The following PTPRF variants were observed in gnomAD, a reference collection of about 807,000 sequenced individuals.
PTPRF encodes the protein protein tyrosine phosphatase receptor type F.
PTPRF carries 59 observed loss-of-function variants against 201.8 expected under a neutral mutation model. That is an observed-to-expected ratio of 0.29 (90% CI 0.24 to 0.36). The LOEUF (loss-of-function observed/expected upper bound fraction) is 0.36. PTPRF is among the 10% of genes least tolerant of loss of function. The pLI is 1.00. For missense variants in PTPRF, 2,132 were observed against 2,690.5 expected (o/e 0.79, Z 4.59); for synonymous variants, 1,088 against 1,089.7 (o/e 1.00, Z 0.03).
intron 5 of PTPRF, among the ~76,000 whole-genome samples, chr1:43,566,527 T>C (rs891140113): frequency 1.4e-4 from 22 of 152,042 alleles, no homozygotes; most frequent in Non-Finnish European, 2.8e-4. Flanking sequence ...CTTCCGCGGG[T>C]GCCCGTGGGG....
chr1:43,621,967 G>C lies in PTPRF; in HGVS notation c.5688G>C (p.Leu1896=). 1 of 1,614,146 alleles carries C rather than the reference G, an allele frequency of 6.2e-7. No individual in the cohort carries two copies. The highest frequency in any genetic ancestry group is 1.7e-5 in the Admixed American group (1 of 60,020). The part of the protein sequence containing the change: ...DQYQLCYRAA[L]EYLGSFDHYA... ...ATCAGCTGTGCTACCGTGCGGCCCTGGAGTACCTCGGCAGCTTTGACCACT... is the reference window on the plus strand; with the variant it reads ...ATCAGCTGTGCTACCGTGCGGCCCTCGAGTACCTCGGCAGCTTTGACCACT... Residue 1896 remains leucine, a synonymous_variant, in exon 34 of 34, where the codon CTG becomes CTC. Transcript: ENST00000359947.
upstream of PTPRF, among the ~76,000 whole-genome samples, chr1:43,526,457 A>C (rs1643115243): frequency 6.6e-6 from 1 of 152,096 alleles, no homozygotes; most frequent in Non-Finnish European, 1.5e-5. Context: ...TTTTTAATTA[A>C]AAAAGCATTA....
intron 5 of PTPRF, among the ~76,000 whole-genome samples, chr1:43,560,693 A>G (rs1192856758): frequency 6.6e-6 from 1 of 152,152 alleles, no homozygotes. Flanking sequence ...ATGTGGCCAG[A>G]ATGGTCTGGC....
rs539262238 is a variant in PTPRF, at chr1:43,574,985, G to A, written c.569-3825G>A. ...TTGTCAAGTTCCATGAAACGGATTG[G>A]TGTTGATTTTTCTGCACACTTCCCA... On this transcript the variant is annotated intron_variant, in intron 6 of 33. Coordinates refer to ENST00000359947, the MANE Select transcript of PTPRF (RefSeq NM_002840.5). Among the ~76,000 whole-genome samples the A allele has an allele frequency of 2.0e-5, 3 of 152,328 alleles. No individual in the cohort carries two copies. The South Asian group carries it at 6.2e-4, about 32-fold the overall frequency.
chr1:43,588,900 C>T lies in PTPRF; in HGVS notation c.849C>T (p.Asn283=), dbSNP rs775794645. The change falls in exon 8 of 34, where the codon AAC becomes AAT. Residue 283 remains asparagine (N), a synonymous_variant. Transcript: ENST00000359947. The surrounding 1 kb of genome is among the most constrained non-coding windows in gnomAD (Gnocchi z 5.3). ...AGGATGAGATGCCAGTTGGCCGCAA[C>T]GTCCTGGAGCTCAGCAATGTCGTAC... The part of the protein sequence containing the change: ...TKEDEMPVGR[N]VLELSNVVRS... 1.8e-5 allele frequency: 29 copies of T among 1,613,354 alleles called. No individual in the cohort carries two copies. In the Admixed American group the frequency reaches 3.0e-4, roughly 17 times the overall value.
chr1:43,619,278 T>C lies in PTPRF; in HGVS notation c.4647-10T>C. Reference sequence around the variant, plus strand: ...GCGCCTGTGCCTCAAGCTGAGCCCGTGTCCTGCAGCGCGGGCGTGGGCCGC... The same window carrying C: ...GCGCCTGTGCCTCAAGCTGAGCCCGCGTCCTGCAGCGCGGGCGTGGGCCGC... On this transcript the variant is annotated splice_polypyrimidine_tract_variant and intron_variant, in intron 27 of 33. Coordinates refer to ENST00000359947, the MANE Select transcript of PTPRF (RefSeq NM_002840.5). 1 of 1,612,492 alleles carries C rather than the reference T, an allele frequency of 6.2e-7. No individual in the cohort carries two copies. Among genetic ancestry groups the C allele is most frequent in the African/African-American group, 1.3e-5 (1 of 75,014 alleles).
intron 7 of PTPRF, among the ~76,000 whole-genome samples, chr1:43,585,888 G>A (rs1033721659): frequency 6.6e-6 from 1 of 152,154 alleles, no homozygotes; most frequent in African/African-American, 2.4e-5. Context: ...ACCGACTGGG[G>A]TCAAGCCTGC....
Position 43,606,386 on chromosome 1 carries a change from C to T in PTPRF, c.3630C>T (p.Tyr1210=), listed in dbSNP as rs759393270. The T allele has an allele frequency of 6.2e-7, 1 of 1,614,202 alleles. No homozygotes were observed. Among genetic ancestry groups the T allele is most frequent in the South Asian group, 1.1e-5 (1 of 91,084 alleles). Residue 1210 remains tyrosine (Y), a synonymous_variant, in exon 20 of 34, where the codon TAC becomes TAT. Transcript: ENST00000359947. The part of the protein sequence containing the change: ...LGDKKNYRGF[Y]NRPLSPDLSY... ...ACAAGAAGAACTACCGGGGCTTCTA[C>T]AACCGGCCCCTGTCTCCGGACTTGA... is the stretch of plus-strand genomic sequence containing the variant.
At position 43,537,446 on chromosome 1, in the gene PTPRF, C is replaced by T. The variant is rs1644092902; in HGVS notation, c.-125-752C>T. On this transcript the variant is annotated intron_variant, in intron 1 of 33. Transcript: ENST00000359947. This position sits in a 1 kb window ranked among gnomAD's most constrained non-coding sequence, Gnocchi z 4.8. The stretch of plus-strand genomic sequence containing the variant: ...CTTTGAACTCATTCATGCGTTCATC[C>T]ACTCATTCAGTGTATGCTGACTGAG... Among the ~76,000 whole-genome samples, 1 of 152,222 alleles carries T rather than the reference C, an allele frequency of 6.6e-6. No individual in the cohort carries two copies. Among genetic ancestry groups the T allele is most frequent in the Non-Finnish European group, 1.5e-5 (1 of 68,042 alleles).
chr1:43,598,546 C>A lies in PTPRF; in HGVS notation c.2120-174C>A, dbSNP rs143943643. Reference sequence around the variant, plus strand: ...GCCAGTCCTGGGCTCTTACCCGTGGCGGGCAGAGGGAGCCTTCCGTGTGCC... The same window carrying A: ...GCCAGTCCTGGGCTCTTACCCGTGGAGGGCAGAGGGAGCCTTCCGTGTGCC... On this transcript the variant is annotated intron_variant, in intron 12 of 33. Coordinates refer to ENST00000359947, the MANE Select transcript of PTPRF (RefSeq NM_002840.5). 1,152 of 635,950 alleles carry A rather than the reference C, an allele frequency of 1.8e-3. 10 individuals carry two copies. In the African/African-American group the frequency reaches 0.019, roughly 10 times the overall value. The allele number at this position is 635,950 out of a possible 1,614,324, so 39.4% of individuals were successfully genotyped here.
At chr1:43,531,666 A>G (rs1643543857) in intron 1 of PTPRF, among the ~76,000 whole-genome samples, 1 of 148,110 alleles carries the variant, frequency 6.8e-6, no homozygotes, top group Non-Finnish European at 1.5e-5. Flanking sequence ...CGCGAGTTTG[A>G]AGCCCCCCCA....
chr1:43,576,496 C>T (rs983555843), intron 6 of PTPRF, among the ~76,000 whole-genome samples: 1 of 152,166 alleles, frequency 6.6e-6, no homozygotes, highest in African/African-American at 2.4e-5. Flanking sequence ...CAGGCTCGTG[C>T]GTAACTCCAT....
intron 6 of PTPRF, among the ~76,000 whole-genome samples, chr1:43,572,373 A>G (rs1231348083): frequency 1.3e-5 from 2 of 152,136 alleles, no homozygotes; most frequent in Non-Finnish European, 2.9e-5. Flanking sequence ...TCCAAGGAAG[A>G]CTTCCTTATT....
At chr1:43,604,219 C>A (rs367590916) in intron 16 of PTPRF, 30 bp downstream of exon 16, 1 of 1,598,492 alleles carries the variant, frequency 6.3e-7, no homozygotes, top group Non-Finnish European at 8.5e-7. Flanking sequence ...CATCCCTTCC[C>A]GAGTGTGGCT....
upstream of PTPRF, among the ~76,000 whole-genome samples, chr1:43,524,156 C>T (rs1342655572): frequency 6.6e-6 from 1 of 151,576 alleles, no homozygotes; most frequent in African/African-American, 2.4e-5. Flanking sequence ...GAAGCAGGAG[C>T]TAAGCTGTGA....
intron 7 of PTPRF, among the ~76,000 whole-genome samples, chr1:43,581,797 C>T (rs983509270): frequency 2.0e-5 from 3 of 152,218 alleles, no homozygotes; most frequent in Admixed American, 6.5e-5. Context: ...TTTCCTCCCA[C>T]AGCAGGCTCC....
rs1363850754 is a variant in PTPRF at position 43,546,767 on chromosome 1, C to T, written c.91+1601C>T. ...CCTGCTGTCTTCCCGTGTTCTCTCC[C>T]GTGAAAGGCATTACCACCCACCCGG... On this transcript the variant is annotated intron_variant, in intron 3 of 33. Transcript: ENST00000359947. The surrounding 1 kb of genome is among the most constrained non-coding windows in gnomAD (Gnocchi z 4.2). Among the ~76,000 whole-genome samples the T allele has an allele frequency of 2.6e-5, 4 of 152,152 alleles. No homozygotes were observed. The highest frequency in any genetic ancestry group is 4.4e-5 in the Non-Finnish European group (3 of 68,030).
rs57041655 is a variant in PTPRF, at chr1:43,589,867, G to GA, written c.949+880dup. Among the ~76,000 whole-genome samples, 1,343 of 138,738 alleles carry GA rather than the reference G, an allele frequency of 9.7e-3. 8 individuals carry two copies. The highest frequency in any genetic ancestry group is 0.023 in the Middle Eastern group (6 of 258). The allele number at this position is 138,738 out of a possible 152,430, so 91.0% of individuals were successfully genotyped here. Reference sequence around the variant, plus strand: ...CCTGAGTGACAGAGCGAGACCCTATGAAAAAAAAAAAAACCAGATTCCTTC... The same window carrying GA: ...CCTGAGTGACAGAGCGAGACCCTATGAAAAAAAAAAAAAACCAGATTCCTTC... On this transcript the variant is annotated intron_variant, in intron 8 of 33. Transcript: ENST00000359947.
In PTPRF at chr1:43,619,325, G is replaced by A; in HGVS notation, c.4684G>A (p.Asp1562Asn). The A allele has an allele frequency of 6.2e-7, 1 of 1,613,812 alleles. No individual in the cohort carries two copies. Among genetic ancestry groups the A allele is most frequent in the Non-Finnish European group, 8.5e-7 (1 of 1,180,022 alleles). Residue 1562 changes from aspartate to asparagine, a missense_variant, in exon 28 of 34, where the codon GAT (aspartate) becomes AAT (asparagine). Asp to Asn is a conservative substitution (Grantham distance 23, BLOSUM62 1). Transcript: ENST00000359947. ...VGRTGCFIVI[D>N]AMLERMKHEK... is the part of the protein sequence containing the mutation. ...CCGCACCGGCTGCTTCATCGTGATT[G>A]ATGCCATGTTGGAGCGGATGAAGCA... is the stretch of plus-strand genomic sequence containing the variant.
Sources: allele counts gnomAD v4.1 joint callset (sites outside exome capture counted in the v4.1 genomes callset), GRCh38; gene constraint gnomAD v4.1.1; non-coding constraint Gnocchi (gnomAD v3.1); transcripts MANE v1.5; gene names NCBI Gene and HGNC (gene_info 2026-07-23, HGNC 2026-07-21).